ACSF3: variants seen among roughly 807,000 people sequenced by gnomAD.
ACSF3 encodes the protein malonate--CoA ligase ACSF3, mitochondrial.
A neutral mutation model predicts 53.2 loss-of-function variants in ACSF3; 78 were observed. The ratio of observed to expected loss-of-function variants is 1.47; its 90% CI spans 1.22 to 1.77. ACSF3 has a LOEUF of 1.77. Ranked by LOEUF, ACSF3 falls within the 40% of genes most tolerant of loss-of-function variation. The probability of loss-of-function intolerance (pLI) is 0.00; values close to 1 mark genes in which losing one functional copy is unlikely to be tolerated. For missense variants in ACSF3, 937 were observed against 771.1 expected, an observed-to-expected ratio of 1.22 and a Z score of -2.55; for synonymous variants, 414 against 333.1, an observed-to-expected ratio of 1.24 and a Z score of -2.65.
rs950213445 is a variant in ACSF3, at chr16:89,114,325, G to C, written c.978-14G>C. 1 of 1,613,746 alleles carries C rather than the reference G, an allele frequency of 6.2e-7. No individual in the cohort carries two copies. The highest frequency in any genetic ancestry group is 1.3e-5 in the African/African-American group (1 of 74,934). On this transcript the variant is annotated splice_polypyrimidine_tract_variant and intron_variant, in intron 5 of 10. Transcript: ENST00000614302. ...TCCCAAGGGGCTAAACCTGCCTTTG[G>C]TTGTGCCGCGTAGGCTGATGGTCTC...
At chr16:89,113,672 C>G (rs1904470538) in intron 5 of ACSF3, 1 of 169,316 alleles carries the variant, frequency 5.9e-6, no homozygotes, top group African/African-American at 2.4e-5. Context: ...AGACCGCAAA[C>G]AAAAGCGCCT....
intron 4 of ACSF3, among the ~76,000 whole-genome samples, chr16:89,111,712 A>T (rs938728881): frequency 9.2e-5 from 14 of 152,286 alleles, no homozygotes; most frequent in African/African-American, 3.4e-4. Context: ...TAGTCACTGC[A>T]TGCCTGTCCA....
Position 89,154,957 on chromosome 16 carries a change from C to T in ACSF3, c.*750C>T, listed in dbSNP as rs1455811402. 2 of 453,908 alleles carry T rather than the reference C, an allele frequency of 4.4e-6. No homozygotes were observed. Among genetic ancestry groups the T allele is most frequent in the Non-Finnish European group, 4.4e-6 (1 of 226,710 alleles). The allele number at this position is 453,908 out of a possible 1,614,324, so 28.1% of individuals were successfully genotyped here. ...GCCCCTCAGCCGGTGAACCCTCTCT[C>T]CCATCACCGTCTCCACCCAGACCCC... is the stretch of plus-strand genomic sequence containing the variant. On this transcript the variant is annotated 3_prime_UTR_variant, in exon 11 of 11. Coordinates refer to ENST00000614302, the MANE Select transcript of ACSF3 (RefSeq NM_001243279.3).
rs1477245567 is a variant in ACSF3, at chr16:89,154,835, G to A, written c.*628G>A. The A allele has an allele frequency of 4.6e-5, 21 of 454,022 alleles. No individual in the cohort carries two copies. Among genetic ancestry groups the A allele is most frequent in the Non-Finnish European group, 7.9e-5 (18 of 226,796 alleles). The allele number at this position is 454,022 out of a possible 1,614,324, so 28.1% of individuals were successfully genotyped here. A position where few individuals can be genotyped will look rare whatever the true frequency, so the allele number is the denominator to read the frequency against. On this transcript the variant is annotated 3_prime_UTR_variant, in exon 11 of 11. Coordinates refer to ENST00000614302, the MANE Select transcript of ACSF3 (RefSeq NM_001243279.3). ...CACTACTGTGTGTCCATCAGCATGT[G>A]TCACAGAAAGTGCGTGGACGGATGG...
At chr16:89,141,345 G>A in intron 8 of ACSF3, 1 of 1,260,822 alleles carries the variant, frequency 7.9e-7, no homozygotes, top group African/African-American at 1.5e-5. Context: ...AGACTGCTCT[G>A]TGCTGAGAAG....
intron 9 of ACSF3, among the ~76,000 whole-genome samples, chr16:89,145,717 C>T (rs1289169252): frequency 6.6e-5 from 10 of 152,318 alleles, no homozygotes; most frequent in Admixed American, 6.5e-4. Flanking sequence ...GGCAGAGCCC[C>T]TGTGAGTGCC....
chr16:89,133,350 G>A (rs1268579717), intron 8 of ACSF3, 88 bp downstream of exon 8: 2 of 1,570,598 alleles, frequency 1.3e-6, no homozygotes, highest in African/African-American at 1.3e-5. Flanking sequence ...ACCGAGGCTG[G>A]GAGTTCCCAG....
rs1158255450 is a variant in ACSF3 at position 89,120,841 on chromosome 16, T to A, written c.1167T>A (p.Ile389=). Residue 389 remains isoleucine, a synonymous_variant, in exon 7 of 11, where the codon ATT becomes ATA. Coordinates refer to ENST00000614302, the MANE Select transcript of ACSF3 (RefSeq NM_001243279.3). ...CACTGCCTGGAGTACAGGTGCGCAT[T>A]GTCTCAGAAAACCCACAGAGGGAAG... ...GTPLPGVQVR[I]VSENPQREAC... 1 of 1,614,080 alleles carries A rather than the reference T, an allele frequency of 6.2e-7. No homozygotes were observed. The highest frequency in any genetic ancestry group is 8.5e-7 in the Non-Finnish European group (1 of 1,179,968).
intron 6 of ACSF3, among the ~76,000 whole-genome samples, chr16:89,117,843 G>T (rs761047808): frequency 2.0e-5 from 3 of 152,208 alleles, no homozygotes; most frequent in Non-Finnish European, 4.4e-5. Context: ...AAGCTTCAGG[G>T]TTATTGGGCA....
At chr16:89,140,155 T>G (rs1026185800) in intron 8 of ACSF3, among the ~76,000 whole-genome samples, 4 of 152,150 alleles carry the variant, frequency 2.6e-5, no homozygotes, top group South Asian at 2.1e-4. Flanking sequence ...GCACCTGAGC[T>G]TCCAGCACCT....
intron 4 of ACSF3, among the ~76,000 whole-genome samples, chr16:89,104,202 G>A (rs781546319): frequency 4.6e-5 from 7 of 152,218 alleles, no homozygotes; most frequent in Non-Finnish European, 7.3e-5. Flanking sequence ...GCCTCTGCCC[G>A]TATAATGAAT....
At chr16:89,133,315 C>G (rs1324921565) in intron 8 of ACSF3, 53 bp downstream of exon 8, 3 of 1,609,788 alleles carry the variant, frequency 1.9e-6, no homozygotes, top group East Asian at 2.2e-5. Flanking sequence ...CAGGCAGGAA[C>G]TCATTGCTGC....
rs576815618 is a variant in ACSF3 at position 89,098,619 on chromosome 16, G to C, written c.-165G>C. 4.4e-6 allele frequency: 2 copies of C among 453,050 alleles called. No individual in the cohort carries two copies. The highest frequency in any genetic ancestry group is 4.0e-5 in the African/African-American group (2 of 50,116). The allele number at this position is 453,050 out of a possible 1,614,324, so 28.1% of individuals were successfully genotyped here. On this transcript the variant is annotated 5_prime_UTR_variant, in exon 2 of 11. Coordinates refer to ENST00000614302, the MANE Select transcript of ACSF3 (RefSeq NM_001243279.3). Reference sequence around the variant, plus strand: ...TCCCACCGGCCTTCCGGGTTCCAGCGCCAGGCCTGGTGCCTGCCCCAGGAG... The same window carrying C: ...TCCCACCGGCCTTCCGGGTTCCAGCCCCAGGCCTGGTGCCTGCCCCAGGAG...
chr16:89,126,263 G>C (rs1053868182), intron 7 of ACSF3, among the ~76,000 whole-genome samples: 2 of 152,038 alleles, frequency 1.3e-5, no homozygotes, highest in African/African-American at 4.8e-5. Context: ...AGGTGGGTAT[G>C]GGGGGAGAGT....
At chr16:89,143,703 C>T (rs1432228331) in intron 8 of ACSF3, among the ~76,000 whole-genome samples, 2 of 152,136 alleles carry the variant, frequency 1.3e-5, no homozygotes, top group African/African-American at 4.8e-5. Flanking sequence ...CCAGACTACC[C>T]CAGGGGCGCA....
chr16:89,145,174 G>A (rs1912659625), intron 8 of ACSF3, 93 bp from the exon 9 acceptor site: 2 of 1,613,064 alleles, frequency 1.2e-6, no homozygotes, highest in South Asian at 1.1e-5. Context: ...ACACCGTGGT[G>A]TTTAAGGACG....
At chr16:89,118,622 G>T (rs367656988) in intron 6 of ACSF3, among the ~76,000 whole-genome samples, 1 of 152,194 alleles carries the variant, frequency 6.6e-6, no homozygotes, top group Non-Finnish European at 1.5e-5. Flanking sequence ...GGCCTGCTCC[G>T]TGCGGTTCCT....
intron 8 of ACSF3, among the ~76,000 whole-genome samples, chr16:89,142,613 C>A (rs1490445049): frequency 6.9e-6 from 1 of 145,062 alleles, no homozygotes. Flanking sequence ...GCAGACACAC[C>A]CACACCTGCA....
Position 89,154,292 on chromosome 16 carries a change from G to T in ACSF3, c.*85G>T. 2 of 1,309,362 alleles carry T rather than the reference G, an allele frequency of 1.5e-6. No homozygotes were observed. The highest frequency in any genetic ancestry group is 2.2e-6 in the Non-Finnish European group (2 of 921,338). 81.1% of individuals were successfully genotyped at this position (1,309,362 alleles called of 1,614,324 possible). On this transcript the variant is annotated 3_prime_UTR_variant, in exon 11 of 11. Coordinates refer to ENST00000614302, the MANE Select transcript of ACSF3 (RefSeq NM_001243279.3). ...AACCACGGGGGCCCGTCCAAGACCT[G>T]GCCTCCCTTAAACCTGAACCCCCCA...
Sources: allele counts gnomAD v4.1 joint callset (sites outside exome capture counted in the v4.1 genomes callset), GRCh38; gene constraint gnomAD v4.1.1; transcripts MANE v1.5; gene names NCBI Gene and HGNC (gene_info 2026-07-23, HGNC 2026-07-21).